The following PRDM16 variants were observed in gnomAD, a reference collection of about 807,000 sequenced individuals.
PRDM16 encodes the protein PR/SET domain 16, also known as histone-lysine N-methyltransferase PRDM16.
Under a neutral mutation model 110.6 loss-of-function variants are expected in PRDM16, and 23 were observed. The ratio of observed to expected loss-of-function variants is 0.21; its 90% confidence interval spans 0.15 to 0.29. The LOEUF (loss-of-function observed/expected upper bound fraction) is 0.29, where lower values mean the gene tolerates loss of function less well. Among genes scored for constraint, PRDM16 ranks in the 10% least tolerant of loss-of-function variants. The pLI is 1.00. For missense variants in PRDM16, 1,615 were observed against 1,794.3 expected (o/e 0.90, Z 1.81); for synonymous variants, 799 against 781.8 (o/e 1.02, Z -0.37).
At chr1:3,220,717 G>A (rs561361699) in intron 2 of PRDM16, among the ~76,000 whole-genome samples, 2 of 152,292 alleles carry the variant, frequency 1.3e-5, no homozygotes, top group South Asian at 2.1e-4. Flanking sequence ...TGGATGACAG[G>A]TGTGCAGGGG....
At chr1:3,142,536 C>T (rs1643569816) in intron 1 of PRDM16, among the ~76,000 whole-genome samples, 1 of 152,290 alleles carries the variant, frequency 6.6e-6, no homozygotes, top group East Asian at 1.9e-4. Flanking sequence ...GGATCCTCCT[C>T]ACCTGCGGCG....
intron 3 of PRDM16, among the ~76,000 whole-genome samples, chr1:3,281,448 C>T (rs1468577666): frequency 6.6e-6 from 1 of 152,240 alleles, no homozygotes; most frequent in Non-Finnish European, 1.5e-5. Flanking sequence ...CACCAATCTC[C>T]TTGAGAGAAG....
chr1:3,325,920 CTCCTCGGCCCTCTTGGCCCTCCTTGGCCA>C lies in PRDM16; in HGVS notation c.439-59225_439-59197del, dbSNP rs879848939. Among the ~76,000 whole-genome samples the C allele has an allele frequency of 3.9e-3, 401 of 102,710 alleles. 2 individuals carry two copies. Among genetic ancestry groups the C allele is most frequent in the Non-Finnish European group, 6.1e-3 (305 of 49,952 alleles). The allele number at this position is 102,710 out of a possible 152,430, so 67.4% of individuals were successfully genotyped here. A position where few individuals can be genotyped will look rare whatever the true frequency, so the allele number is the denominator to read the frequency against. On this transcript the variant is annotated intron_variant, in intron 3 of 16. Transcript: ENST00000270722. Reference sequence around the variant, plus strand: ...TTGGCCCTCTTGGCCCTCCTTGGCCCTCCTCGGCCCTCTTGGCCCTCCTTGGCCATCCTCGACGATCCTTGGTCCTCCTT... The same window carrying C: ...TTGGCCCTCTTGGCCCTCCTTGGCCCTCCTCGACGATCCTTGGTCCTCCTT...
chr1:3,235,733 C>T (rs1202766744), intron 2 of PRDM16, among the ~76,000 whole-genome samples: 5 of 152,168 alleles, frequency 3.3e-5, no homozygotes, highest in Non-Finnish European at 5.9e-5. Context: ...TCCAGGACGG[C>T]GGGGGCGGGG....
intron 3 of PRDM16, among the ~76,000 whole-genome samples, chr1:3,328,173 C>T (rs1468630937): frequency 6.6e-6 from 1 of 152,224 alleles, no homozygotes; most frequent in African/African-American, 2.4e-5. Context: ...CAAGATGCCC[C>T]CTGTCCCCAG....
chr1:3,392,051 G>A (rs143108623), intron 4 of PRDM16, among the ~76,000 whole-genome samples: 114 of 152,354 alleles, frequency 7.5e-4, no homozygotes, highest in Middle Eastern at 3.4e-3. Context: ...GCAGCACTGA[G>A]ACCCAGCCAC....
intron 10 of PRDM16, among the ~76,000 whole-genome samples, chr1:3,417,485 G>C (rs2100675098): frequency 6.6e-6 from 1 of 152,340 alleles, no homozygotes; most frequent in South Asian, 2.1e-4. Context: ...TTGCCGGCCT[G>C]GGTCAGATAA....
intron 2 of PRDM16, among the ~76,000 whole-genome samples, chr1:3,202,993 T>G (rs1485702421): frequency 2.6e-5 from 4 of 152,150 alleles, no homozygotes. Flanking sequence ...GTGGATAATT[T>G]TCCACTGGTC....
chr1:3,155,631 C>T (rs543042780), intron 1 of PRDM16, among the ~76,000 whole-genome samples: 1 of 152,384 alleles, frequency 6.6e-6, no homozygotes, highest in East Asian at 1.9e-4. Flanking sequence ...CCGCCGGCCT[C>T]GCCTTCCCCG....
intron 1 of PRDM16, chr1:3,133,742 A>G (rs1036259012): frequency 1.3e-5 from 2 of 152,192 alleles, no homozygotes; most frequent in African/African-American, 4.8e-5. Flanking sequence ...TCTCCCCTTC[A>G]TGTGAGGGAG....
chr1:3,147,334 G>C (rs950458726), intron 1 of PRDM16, among the ~76,000 whole-genome samples: 7 of 151,452 alleles, frequency 4.6e-5, no homozygotes, highest in Middle Eastern at 6.8e-3. Context: ...GTGTGACGTG[G>C]GTGCACCTGG....
At position 3,208,895 on chromosome 1, in the gene PRDM16, G is replaced by C. The variant is rs896280059; in HGVS notation, c.387+22421G>C. ...GGCCCCCCCAGGTCCCCACGAGTGG[G>C]TGGAAAGTCTTGGGGACAGAAGAAA... On this transcript the variant is annotated intron_variant, in intron 2 of 16. Coordinates refer to ENST00000270722, the MANE Select transcript of PRDM16 (RefSeq NM_022114.4). This position sits in a 1 kb window ranked among gnomAD's most constrained non-coding sequence, Gnocchi z 6.1. Among the ~76,000 whole-genome samples, 2 of 152,178 alleles carry C rather than the reference G, an allele frequency of 1.3e-5. No individual in the cohort carries two copies. The highest frequency in any genetic ancestry group is 1.3e-4 in the Admixed American group (2 of 15,280).
At chr1:3,267,996 C>T (rs573890250) in intron 3 of PRDM16, among the ~76,000 whole-genome samples, 1 of 152,228 alleles carries the variant, frequency 6.6e-6, no homozygotes, top group Non-Finnish European at 1.5e-5. Context: ...TCGCAAGCAA[C>T]GCGGGTGCAA....
intron 11 of PRDM16, 55 bp from the exon 12 acceptor site, chr1:3,418,610 TGG>T (rs1638339633): frequency 5.9e-6 from 7 of 1,181,482 alleles, no homozygotes; most frequent in Non-Finnish European, 8.9e-6. Context: ...TTCTGGGAAA[TGG>T]CCATGTAAGC....
At chr1:3,144,329 C>T (rs544387883) in intron 1 of PRDM16, among the ~76,000 whole-genome samples, 2 of 152,180 alleles carry the variant, frequency 1.3e-5, no homozygotes, top group Non-Finnish European at 2.9e-5. Flanking sequence ...CAGACAGGCC[C>T]GTGTGGCTTT....
At chr1:3,368,001 G>A (rs984335954) in intron 3 of PRDM16, among the ~76,000 whole-genome samples, 7 of 152,236 alleles carry the variant, frequency 4.6e-5, no homozygotes, top group Admixed American at 4.6e-4. Context: ...AGAGCTGGAG[G>A]AGGGGACAGA....
intron 2 of PRDM16, among the ~76,000 whole-genome samples, chr1:3,203,921 AGGC>A (rs1638690416): frequency 6.6e-6 from 1 of 152,136 alleles, no homozygotes; most frequent in African/African-American, 2.4e-5. Context: ...AGGTGACAGA[AGGC>A]GGTGCCCCAG....
intron 1 of PRDM16, among the ~76,000 whole-genome samples, chr1:3,169,050 C>T (rs995210411): frequency 3.3e-5 from 5 of 152,194 alleles, no homozygotes; most frequent in African/African-American, 1.2e-4. Context: ...GTAAGAGGGA[C>T]GTCCTGAGAC....
At chr1:3,261,067 G>A (rs1215554442) in intron 3 of PRDM16, among the ~76,000 whole-genome samples, 7 of 151,062 alleles carry the variant, frequency 4.6e-5, no homozygotes, top group Admixed American at 2.0e-4. Context: ...GGAGGACCCC[G>A]GGAGATAAGG....
Sources: allele counts gnomAD v4.1 joint callset (sites outside exome capture counted in the v4.1 genomes callset), GRCh38; gene constraint gnomAD v4.1.1; non-coding constraint Gnocchi (gnomAD v3.1); transcripts MANE v1.5; gene names NCBI Gene and HGNC (gene_info 2026-07-23, HGNC 2026-07-21).